NAT16: variants seen among roughly 807,000 people sequenced by gnomAD.
NAT16 encodes N-acetyltransferase 16 (putative), also known as probable N-acetyltransferase 16.
NAT16 carries 16 observed loss-of-function variants against 15.9 expected under a neutral mutation model. The observed-to-expected ratio is 1.01, with a 90% CI of 0.68 to 1.53. The LOEUF (loss-of-function observed/expected upper bound fraction) is 1.53. Among genes scored for constraint, NAT16 ranks in the 40% most tolerant of loss-of-function variants. The probability of loss-of-function intolerance (pLI) is 0.00; values close to 1 mark genes in which losing one functional copy is unlikely to be tolerated. For missense variants in NAT16, 572 were observed against 508.4 expected (o/e 1.13, Z -1.20); for synonymous variants, 260 against 241.9 (o/e 1.07, Z -0.69).
At position 101,172,762 on chromosome 7, in the gene NAT16, T is replaced by C. The variant is rs1165622611; in HGVS notation, c.538-111A>G. On this transcript the variant is annotated intron_variant, in intron 3 of 3. Transcript: ENST00000300303. This position sits in a 1 kb window ranked among gnomAD's most constrained non-coding sequence, Gnocchi z 4.2. ...ACGTTCACGCCCACGGGCTCCCACC[T>C]GGGTCCCTCTGGAGGAGCGACCGTG... 1.1e-6 allele frequency: 1 copy of C among 894,370 alleles called. No homozygotes were observed. The highest frequency in any genetic ancestry group is 1.8e-5 in the African/African-American group (1 of 55,576). The allele number at this position is 894,370 out of a possible 1,614,324, so 55.4% of individuals were successfully genotyped here. A position where few individuals can be genotyped will look rare whatever the true frequency, so the allele number is the denominator to read the frequency against.
Position 101,173,485 on chromosome 7 carries a change from C to T in NAT16, c.348G>A (p.Gly116=), listed in dbSNP as rs748192246. 7 of 1,607,312 alleles carry T rather than the reference C, an allele frequency of 4.4e-6. No homozygotes were observed. Among genetic ancestry groups the T allele is most frequent in the African/African-American group, 1.3e-5 (1 of 74,752 alleles). The part of the protein sequence containing the change: ...ALESVNVIDA[G]ETVLVEGLRV... ...GCAGCCCCTCCACCAGCACCGTCTC[C>T]CCGGCGTCGATCACGTTCACCGACT... The change falls in exon 3 of 4, where the codon GGG becomes GGA. Residue 116 remains glycine, a synonymous_variant. Transcript: ENST00000300303.
At chr7:101,176,104 G>A (rs1320619570) in intron 1 of NAT16, among the ~76,000 whole-genome samples, 2 of 152,136 alleles carry the variant, frequency 1.3e-5, no homozygotes, top group Non-Finnish European at 2.9e-5. Flanking sequence ...ATCCCAGCCA[G>A]GGCCAAGGGG....
chr7:101,173,480 G>T lies in NAT16; in HGVS notation c.353C>A (p.Thr118Lys), dbSNP rs375132035. The change falls in exon 3 of 4, where the codon ACG (threonine) becomes AAG (lysine). Residue 118 changes from threonine to lysine, a missense_variant. Physicochemically the swap from Thr to Lys is moderately conservative, Grantham distance 78. Transcript: ENST00000300303. ...ESVNVIDAGETVLVEGLRVAP... is the reference protein window; with the variant it reads ...ESVNVIDAGEKVLVEGLRVAP... ...CACGCGCAGCCCCTCCACCAGCACC[G>T]TCTCCCCGGCGTCGATCACGTTCAC... 50 of 1,609,124 alleles carry T rather than the reference G, an allele frequency of 3.1e-5. No individual in the cohort carries two copies. In the Middle Eastern group the frequency reaches 9.9e-4, roughly 32 times the overall value.
intron 1 of NAT16, among the ~76,000 whole-genome samples, chr7:101,176,508 A>AT (rs1355738286): frequency 6.7e-6 from 1 of 150,368 alleles, no homozygotes. Flanking sequence ...CTCAAGAAAA[A>AT]AAAAAAAAAA....
rs1477733565 is a variant in NAT16, at chr7:101,173,518, G to A, written c.315C>T (p.Ile105=). The change falls in exon 3 of 4, where the codon ATC becomes ATT. Residue 105 remains isoleucine (I), a splice_region_variant and synonymous_variant. Transcript: ENST00000300303. ...VVLAKRNGGV[I]ALESVNVIDA... is the part of the protein sequence containing the mutation. ...CGATCACGTTCACCGACTCCAGCGC[G>A]ATCTGCGGACCGAGGCCGTTAGCGC... 2 of 1,591,008 alleles carry A rather than the reference G, an allele frequency of 1.3e-6. No homozygotes were observed. Among genetic ancestry groups the A allele is most frequent in the Admixed American group, 1.7e-5 (1 of 58,630 alleles).
intron 1 of NAT16, among the ~76,000 whole-genome samples, chr7:101,178,856 A>G (rs1797526100): frequency 7.9e-6 from 1 of 127,286 alleles, no homozygotes. Flanking sequence ...ACGCTATTGC[A>G]CTCCAGCCTG....
intron 1 of NAT16, 115 bp downstream of exon 1, chr7:101,179,927 A>T (rs1391207468): frequency 6.6e-6 from 1 of 152,332 alleles, no homozygotes; most frequent in African/African-American, 2.4e-5. Flanking sequence ...GGCTGGGCAG[A>T]AGGGGGCGCA....
At position 101,170,953 on chromosome 7, in the gene NAT16, G is replaced by A. The variant is rs1206368753; in HGVS notation, c.*1126C>T. ...GTGGGGAACCAGTATTGGAGACAGC[G>A]CTGTGCAGATGCAGCTGTTACTACT... On this transcript the variant is annotated 3_prime_UTR_variant, in exon 4 of 4. Coordinates refer to ENST00000300303, the MANE Select transcript of NAT16 (RefSeq NM_198571.3). The A allele has an allele frequency of 6.6e-6, 1 of 152,240 alleles. No individual in the cohort carries two copies. Among genetic ancestry groups the A allele is most frequent in the Admixed American group, 6.5e-5 (1 of 15,270 alleles). The allele number at this position is 152,240 out of a possible 1,614,324, so 9.4% of individuals were successfully genotyped here.
intron 1 of NAT16, among the ~76,000 whole-genome samples, chr7:101,179,613 A>G (rs1439739634): frequency 8.8e-6 from 1 of 114,064 alleles, no homozygotes; most frequent in Non-Finnish European, 1.7e-5. Context: ...GGGCCGAGGA[A>G]GATGGCCCAG....
At chr7:101,175,620 G>GT (rs947844278) in intron 1 of NAT16, among the ~76,000 whole-genome samples, 2 of 145,760 alleles carry the variant, frequency 1.4e-5, no homozygotes, top group African/African-American at 5.2e-5. Flanking sequence ...CTTGGGGGTA[G>GT]TTTTAAAAAA....
Position 101,173,740 on chromosome 7 carries a change from T to A in NAT16, c.313-220A>T, listed in dbSNP as rs878871633. The stretch of plus-strand genomic sequence containing the variant: ...TCCACCTTTTTATTTTTATTTATTT[T>A]AAATTTAGGACAGGGTCTCCTCACC... On this transcript the variant is annotated intron_variant, in intron 2 of 3. Coordinates refer to ENST00000300303, the MANE Select transcript of NAT16 (RefSeq NM_198571.3). 6 of 540,786 alleles carry A rather than the reference T, an allele frequency of 1.1e-5. No individual in the cohort carries two copies. The South Asian group carries it at 1.4e-4, about 12-fold the overall frequency. 33.5% of individuals were successfully genotyped at this position (540,786 alleles called of 1,614,324 possible).
At chr7:101,175,666 G>A (rs1221210385) in intron 1 of NAT16, among the ~76,000 whole-genome samples, 1 of 151,934 alleles carries the variant, frequency 6.6e-6, no homozygotes, top group African/African-American at 2.4e-5. Context: ...GGAAACTCAT[G>A]CCTGTACTCC....
At chr7:101,175,589 C>A (rs1219465226) in intron 1 of NAT16, among the ~76,000 whole-genome samples, 1 of 151,196 alleles carries the variant, frequency 6.6e-6, no homozygotes, top group Non-Finnish European at 1.5e-5. Flanking sequence ...ATCCAGGGAC[C>A]CAGGCAAAAG....
At chr7:101,176,361 G>T (rs2116732035) in intron 1 of NAT16, among the ~76,000 whole-genome samples, 1 of 152,202 alleles carries the variant, frequency 6.6e-6, no homozygotes, top group South Asian at 2.1e-4. Context: ...CAAGCATGGT[G>T]GTGGACACCT....
At chr7:101,175,427 T>C (rs1404586162) in intron 1 of NAT16, among the ~76,000 whole-genome samples, 1 of 151,962 alleles carries the variant, frequency 6.6e-6, no homozygotes, top group East Asian at 1.9e-4. Context: ...TTTTCTGCTG[T>C]CCACACAGAC....
intron 1 of NAT16, among the ~76,000 whole-genome samples, chr7:101,176,251 C>T (rs1322959143): frequency 3.3e-5 from 5 of 152,162 alleles, no homozygotes; most frequent in East Asian, 1.9e-4. Flanking sequence ...CCTAGCATGG[C>T]GGCTCAGCCG....
intron 1 of NAT16, among the ~76,000 whole-genome samples, chr7:101,178,595 G>T (rs778900995): frequency 2.0e-5 from 3 of 151,854 alleles, no homozygotes; most frequent in East Asian, 3.9e-4. Flanking sequence ...TTTCTTGGCC[G>T]GGCGTGGTGG....
intron 1 of NAT16, among the ~76,000 whole-genome samples, chr7:101,179,702 G>A (rs10237348): frequency 0.011 from 1,671 of 152,044 alleles, 38 homozygotes; most frequent in African/African-American, 0.038. Flanking sequence ...CTTCCCGAGT[G>A]AGGGTCTTCC....
chr7:101,174,837 C>A, intron 1 of NAT16, 26 bp from the exon 2 acceptor site: 1 of 1,519,398 alleles, frequency 6.6e-7, no homozygotes, highest in South Asian at 1.3e-5. Context: ...GAATTCAGCA[C>A]CTGGATCAGC....
Sources: gnomAD v4.1 joint callset for allele counts (sites outside exome capture counted in the v4.1 genomes callset) on GRCh38, gnomAD v4.1.1 for gene constraint, Gnocchi (gnomAD v3.1) non-coding constraint, MANE v1.5 for transcripts, NCBI Gene and HGNC (gene_info 2026-07-23, HGNC 2026-07-21) for gene names.